Variants in GABBR2 observed in about 807,000 individuals in gnomAD.
GABBR2 encodes G-protein coupled receptor 51.
In GABBR2, 23 loss-of-function variants were observed where a neutral mutation model predicts 105.6. That is an observed-to-expected ratio of 0.22 (90% CI 0.16 to 0.31). The LOEUF (loss-of-function observed/expected upper bound fraction) is 0.31, where lower values mean the gene tolerates loss of function less well. Among genes scored for constraint, GABBR2 ranks in the 10% least tolerant of loss-of-function variants. The probability of loss-of-function intolerance (pLI) is 1.00; values close to 1 mark genes in which losing one functional copy is unlikely to be tolerated. For synonymous variants in GABBR2, 478 were observed against 499.7 expected (o/e 0.96, Z 0.58); for missense variants, 734 against 1,245.5 (o/e 0.59, Z 6.18).
At chr9:98,466,439 A>G (rs1826558195) in intron 6 of GABBR2, among the ~76,000 whole-genome samples, 1 of 152,252 alleles carries the variant, frequency 6.6e-6, no homozygotes, top group African/African-American at 2.4e-5. Context: ...TTCAATAAAA[A>G]TAATTAATGA....
chr9:98,576,028 C>T (rs1316474895), intron 2 of GABBR2, among the ~76,000 whole-genome samples: 3 of 152,196 alleles, frequency 2.0e-5, no homozygotes, highest in South Asian at 2.1e-4. Flanking sequence ...TTCCTTGACC[C>T]GGGGCTAAGT....
intron 7 of GABBR2, among the ~76,000 whole-genome samples, chr9:98,449,571 C>A (rs1826196349): frequency 6.6e-6 from 1 of 152,156 alleles, no homozygotes; most frequent in Non-Finnish European, 1.5e-5. Context: ...TGGGGTGGGG[C>A]CAGGGAACCT....
chr9:98,618,220 C>T (rs778558526), intron 1 of GABBR2, among the ~76,000 whole-genome samples: 4 of 152,144 alleles, frequency 2.6e-5, no homozygotes, highest in Non-Finnish European at 5.9e-5. Context: ...TCCACAAGAT[C>T]CCTCTAAATG....
intron 13 of GABBR2, among the ~76,000 whole-genome samples, chr9:98,315,421 G>C (rs1830698153): frequency 6.6e-6 from 1 of 152,366 alleles, no homozygotes. Flanking sequence ...TACGGTGGCA[G>C]GGGTTGGGAT....
intron 2 of GABBR2, among the ~76,000 whole-genome samples, chr9:98,558,334 T>A (rs1018437190): frequency 2.6e-5 from 4 of 152,184 alleles, no homozygotes; most frequent in African/African-American, 9.7e-5. Flanking sequence ...CTATGCCGTA[T>A]CACCAGTGGG....
chr9:98,509,596 C>T (rs1827593076), intron 3 of GABBR2, among the ~76,000 whole-genome samples: 1 of 152,136 alleles, frequency 6.6e-6, no homozygotes, highest in Non-Finnish European at 1.5e-5. Flanking sequence ...GAGCTGAAAA[C>T]CAAGGCACGA....
At position 98,512,932 on chromosome 9, in the gene GABBR2, G is replaced by C. The variant is rs1212778771; in HGVS notation, c.631-16418C>G. Among the ~76,000 whole-genome samples the C allele has an allele frequency of 3.9e-5, 6 of 152,164 alleles. No individual in the cohort carries two copies. The East Asian group carries it at 1.2e-3, about 29-fold the overall frequency. ...TTAAAGTTCATATGGAACCAAAAAA[G>C]AGCCCGCATCACCAAGTCAATCCTA... On this transcript the variant is annotated intron_variant, in intron 3 of 18. Transcript: ENST00000259455.
chr9:98,689,894 C>G (rs188601635), intron 1 of GABBR2, among the ~76,000 whole-genome samples: 204 of 152,304 alleles, frequency 1.3e-3, no homozygotes, highest in African/African-American at 4.7e-3. Context: ...TGACTTCTGA[C>G]TTCTGACTAT....
chr9:98,502,226 C>G (rs758387133), intron 3 of GABBR2, among the ~76,000 whole-genome samples: 1 of 152,080 alleles, frequency 6.6e-6, no homozygotes, highest in Non-Finnish European at 1.5e-5. Context: ...ACGGATGACT[C>G]GGAAGAATCT....
chr9:98,550,394 T>C (rs1828468354), intron 2 of GABBR2, among the ~76,000 whole-genome samples: 1 of 152,144 alleles, frequency 6.6e-6, no homozygotes, highest in South Asian at 2.1e-4. Context: ...CACTTTAAAA[T>C]GGTTAAAATG....
At chr9:98,485,470 G>A (rs1211130717) in intron 4 of GABBR2, among the ~76,000 whole-genome samples, 1 of 151,506 alleles carries the variant, frequency 6.6e-6, no homozygotes, top group South Asian at 2.1e-4. Context: ...TCTCTGGGAT[G>A]CTTAAAGAGA....
intron 13 of GABBR2, among the ~76,000 whole-genome samples, chr9:98,351,242 T>C (rs1831394906): frequency 6.6e-6 from 1 of 152,218 alleles, no homozygotes; most frequent in African/African-American, 2.4e-5. Flanking sequence ...TTCAATGTTG[T>C]TATTGATAAG....
intron 1 of GABBR2, chr9:98,607,546 G>C: frequency 3.2e-6 from 2 of 634,906 alleles, no homozygotes; most frequent in East Asian, 5.2e-5. Flanking sequence ...AAAGATAAAG[G>C]ACCATTTACC....
intron 3 of GABBR2, among the ~76,000 whole-genome samples, chr9:98,505,290 C>T (rs372950612): frequency 1.3e-5 from 2 of 152,176 alleles, no homozygotes; most frequent in Admixed American, 6.5e-5. Flanking sequence ...TCTTAATCAT[C>T]TGTAACCAGA....
chr9:98,475,020 A>G (rs1054750273), intron 5 of GABBR2, among the ~76,000 whole-genome samples: 1 of 152,130 alleles, frequency 6.6e-6, no homozygotes, highest in Non-Finnish European at 1.5e-5. Context: ...TTGGTTCGGC[A>G]AGGTATCTGA....
At chr9:98,304,195 T>C (rs1469044629) in intron 15 of GABBR2, 1 of 152,230 alleles carries the variant, frequency 6.6e-6, no homozygotes, top group Non-Finnish European at 1.5e-5. Context: ...CCTACCACAG[T>C]GCCATGGCCT....
At chr9:98,477,197 C>T (rs988618474) in intron 5 of GABBR2, among the ~76,000 whole-genome samples, 14 of 152,144 alleles carry the variant, frequency 9.2e-5, no homozygotes, top group African/African-American at 3.1e-4. Flanking sequence ...GGTTGTGGAC[C>T]GACCGAATGA....
chr9:98,366,737 A>G (rs893499865), intron 12 of GABBR2, among the ~76,000 whole-genome samples: 1 of 152,216 alleles, frequency 6.6e-6, no homozygotes, highest in African/African-American at 2.4e-5. Context: ...GCTTCATGAC[A>G]GCTGCTAAAA....
intron 7 of GABBR2, among the ~76,000 whole-genome samples, chr9:98,411,896 T>C (rs1463954082): frequency 1.3e-5 from 2 of 152,298 alleles, no homozygotes; most frequent in Admixed American, 6.5e-5. Context: ...CTGATGTCAG[T>C]TCAGAATCCT....
Sources: allele counts gnomAD v4.1 joint callset (sites outside exome capture counted in the v4.1 genomes callset), GRCh38; gene constraint gnomAD v4.1.1; transcripts MANE v1.5; gene names NCBI Gene and HGNC (gene_info 2026-07-23, HGNC 2026-07-21).